Variants in MMS22L observed in about 807,000 individuals in gnomAD.
MMS22L encodes the protein MMS22 like, DNA repair protein, also known as protein MMS22-like.
MMS22L carries 74 observed loss-of-function variants against 159.1 expected under a neutral mutation model. That is an observed-to-expected ratio of 0.47 (90% CI 0.39 to 0.56). MMS22L has a LOEUF of 0.56. Ranked by LOEUF, MMS22L falls within the 20% of genes least tolerant of loss-of-function variation. MMS22L has a pLI of 0.00. For missense variants in MMS22L, 1,351 were observed against 1,422.1 expected, an observed-to-expected ratio of 0.95 and a Z score of 0.80; for synonymous variants, 517 against 506.9, an observed-to-expected ratio of 1.02 and a Z score of -0.27.
At chr6:97,183,063 T>C (rs890547832) in intron 15 of MMS22L, among the ~76,000 whole-genome samples, 1 of 152,148 alleles carries the variant, frequency 6.6e-6, no homozygotes, top group Non-Finnish European at 1.5e-5. Flanking sequence ...CCCATGCTGA[T>C]ACCCAGCGAC....
chr6:97,217,648 C>T (rs1343442045), intron 14 of MMS22L, among the ~76,000 whole-genome samples: 2 of 152,166 alleles, frequency 1.3e-5, no homozygotes, highest in Middle Eastern at 3.2e-3. Context: ...ACCTAGATTA[C>T]AACTACAGAT....
intron 7 of MMS22L, 84 bp downstream of exon 7, chr6:97,269,818 G>A (rs1348309654): frequency 1.1e-6 from 1 of 940,808 alleles, no homozygotes; most frequent in East Asian, 2.7e-5. Context: ...TTAAATATCA[G>A]AAAGCACTTA....
chr6:97,278,970 G>T, intron 3 of MMS22L, 72 bp from the exon 4 acceptor site: 1 of 1,291,502 alleles, frequency 7.7e-7, no homozygotes, highest in Non-Finnish European at 1.1e-6. Flanking sequence ...CGTGGACAAT[G>T]TTTCCAAATT....
intron 18 of MMS22L, among the ~76,000 whole-genome samples, chr6:97,175,180 G>A (rs1252259403): frequency 6.6e-6 from 1 of 152,158 alleles, no homozygotes; most frequent in Non-Finnish European, 1.5e-5. Context: ...ATATTTTAGT[G>A]AAAGACTATT....
intron 14 of MMS22L, among the ~76,000 whole-genome samples, chr6:97,213,189 C>A (rs1388423494): frequency 1.3e-5 from 2 of 152,038 alleles, no homozygotes; most frequent in African/African-American, 4.8e-5. Context: ...GGCAGATCAT[C>A]TGAGGTCGGG....
At chr6:97,216,010 G>A (rs1384167444) in intron 14 of MMS22L, among the ~76,000 whole-genome samples, 1 of 152,118 alleles carries the variant, frequency 6.6e-6, no homozygotes, top group Admixed American at 6.6e-5. Flanking sequence ...TCAAATGCTA[G>A]TTTCACTCCT....
At chr6:97,230,989 GAA>G (rs1191403874) in intron 13 of MMS22L, 4 of 161,268 alleles carry the variant, frequency 2.5e-5, no homozygotes, top group African/African-American at 9.6e-5. Flanking sequence ...GTAGAAAAAA[GAA>G]AGACAATTTA....
chr6:97,274,021 C>A (rs375444522), intron 4 of MMS22L, among the ~76,000 whole-genome samples: 1 of 152,176 alleles, frequency 6.6e-6, no homozygotes, highest in Non-Finnish European at 1.5e-5. Context: ...CTGCCTTTCT[C>A]CCAACCTCAC....
chr6:97,159,911 T>C (rs1802238946), intron 22 of MMS22L, among the ~76,000 whole-genome samples: 2 of 150,526 alleles, frequency 1.3e-5, no homozygotes, highest in South Asian at 4.2e-4. Flanking sequence ...GGATACGGAA[T>C]ACTCATCCTA....
At chr6:97,221,151 T>C (rs1188425577) in intron 14 of MMS22L, among the ~76,000 whole-genome samples, 2 of 152,212 alleles carry the variant, frequency 1.3e-5, no homozygotes, top group Admixed American at 6.5e-5. Flanking sequence ...ATATTCATTA[T>C]TGCATATAAT....
intron 14 of MMS22L, among the ~76,000 whole-genome samples, chr6:97,217,743 T>C (rs1809177208): frequency 6.6e-6 from 1 of 152,202 alleles, no homozygotes; most frequent in Non-Finnish European, 1.5e-5. Flanking sequence ...CTTTTCTTTG[T>C]AGCTAGTATT....
At chr6:97,263,957 C>T (rs1488097970) in intron 8 of MMS22L, 3 of 152,592 alleles carry the variant, frequency 2.0e-5, no homozygotes, top group African/African-American at 7.2e-5. Flanking sequence ...ATACACCCGC[C>T]TCGGCCTCCC....
At chr6:97,281,779 A>G (rs766429956) in intron 2 of MMS22L, among the ~76,000 whole-genome samples, 29 of 152,238 alleles carry the variant, frequency 1.9e-4, no homozygotes, top group Non-Finnish European at 3.5e-4. Context: ...AGGTACAACT[A>G]TAAGGTCAAC....
chr6:97,220,246 T>A (rs1267243903), intron 14 of MMS22L, among the ~76,000 whole-genome samples: 5 of 152,110 alleles, frequency 3.3e-5, no homozygotes, highest in Non-Finnish European at 1.5e-5. Flanking sequence ...TCCATCTGAC[T>A]AAAGGAGAAT....
chr6:97,163,089 A>T (rs1802613543), intron 21 of MMS22L, among the ~76,000 whole-genome samples: 5 of 152,058 alleles, frequency 3.3e-5, no homozygotes. Flanking sequence ...TACATATTAG[A>T]AAATTCATTC....
At chr6:97,243,957 C>T (rs1370820695) in intron 11 of MMS22L, among the ~76,000 whole-genome samples, 2 of 152,142 alleles carry the variant, frequency 1.3e-5, no homozygotes, top group African/African-American at 4.8e-5. Context: ...ACCACCTGCT[C>T]TGGTGGAGGT....
At chr6:97,217,167 A>C (rs1047359380) in intron 14 of MMS22L, among the ~76,000 whole-genome samples, 15 of 152,140 alleles carry the variant, frequency 9.9e-5, no homozygotes, top group Admixed American at 7.2e-4. Context: ...AGAAATCATA[A>C]AGCTCTATTC....
At chr6:97,247,010 A>G (rs536672420) in intron 10 of MMS22L, among the ~76,000 whole-genome samples, 1 of 132,546 alleles carries the variant, frequency 7.5e-6, no homozygotes, top group African/African-American at 2.9e-5. Flanking sequence ...TTATATAGCC[A>G]CATGTATTTT....
chr6:97,256,173 T>A (rs1040834749), intron 9 of MMS22L, among the ~76,000 whole-genome samples: 2 of 152,104 alleles, frequency 1.3e-5, no homozygotes, highest in African/African-American at 4.8e-5. Context: ...CTCTACCTGC[T>A]TGGAAGTTAA....
Sources: gnomAD v4.1 joint callset for allele counts (sites outside exome capture counted in the v4.1 genomes callset) on GRCh38, gnomAD v4.1.1 for gene constraint, MANE v1.5 for transcripts, NCBI Gene and HGNC (gene_info 2026-07-23, HGNC 2026-07-21) for gene names.